VWDE: variants seen among roughly 807,000 people sequenced by gnomAD.
VWDE encodes von Willebrand factor D and EGF domain-containing protein.
A neutral mutation model predicts 178.4 loss-of-function variants in VWDE; 207 were observed. The ratio of observed to expected loss-of-function variants is 1.16; its 90% CI spans 1.04 to 1.30. VWDE has a LOEUF of 1.30. Among genes scored for constraint, VWDE ranks in the 50% most tolerant of loss-of-function variants. The probability of loss-of-function intolerance (pLI) is 0.00; values close to 1 mark genes in which losing one functional copy is unlikely to be tolerated. For synonymous variants in VWDE, 738 were observed against 651.4 expected, an observed-to-expected ratio of 1.13 and a Z score of -2.02; for missense variants, 2,287 against 1,901.3, an observed-to-expected ratio of 1.20 and a Z score of -3.77.
chr7:12,375,699 T>C (rs566095202), intron 7 of VWDE, among the ~76,000 whole-genome samples: 21 of 152,074 alleles, frequency 1.4e-4, no homozygotes, highest in Non-Finnish European at 2.6e-4. Context: ...TAATTATTGA[T>C]AAAGGGCTTA....
Position 12,357,393 on chromosome 7 carries a change from A to C in VWDE, c.3397T>G (p.Ser1133Ala). The C allele has an allele frequency of 6.4e-7, 1 of 1,551,940 alleles. No homozygotes were observed. Among genetic ancestry groups the C allele is most frequent in the Non-Finnish European group, 8.7e-7 (1 of 1,147,050 alleles). Residue 1133 changes from serine (S) to alanine (A), a missense_variant, in exon 17 of 29, where the codon TCT becomes GCT. Coordinates refer to ENST00000275358, the MANE Select transcript of VWDE (RefSeq NM_001135924.3). Reference sequence around the variant, plus strand: ...GAAACACTTGCCCCTTCAGGACCAGAGTCCAACGTAAAATGGATGTCAGAA... The same window carrying C: ...GAAACACTTGCCCCTTCAGGACCAGCGTCCAACGTAAAATGGATGTCAGAA... ...EGSDIHFTLD[S>A]GPEGASVSSA...
Position 12,379,502 on chromosome 7 carries a change from C to G in VWDE, c.854G>C (p.Ser285Thr), listed in dbSNP as rs1409545121. 1 of 1,550,032 alleles carries G rather than the reference C, an allele frequency of 6.5e-7. No individual in the cohort carries two copies. The change falls in exon 6 of 29, where the codon AGC (serine) becomes ACC (threonine). Residue 285 changes from serine (S) to threonine (T), a missense_variant. Coordinates refer to ENST00000275358, the MANE Select transcript of VWDE (RefSeq NM_001135924.3). ...NPHVQSVAIESQEFFAGFKLQ... is the reference protein window; with the variant it reads ...NPHVQSVAIETQEFFAGFKLQ... The stretch of plus-strand genomic sequence containing the variant: ...CTTAAAGCCTGCAAAAAATTCTTGG[C>G]TTTCGATGGCTACACTTTGTACATG...
intron 17 of VWDE, 111 bp downstream of exon 17, chr7:12,357,154 A>T: frequency 7.5e-7 from 1 of 1,331,692 alleles, no homozygotes; most frequent in Non-Finnish European, 1.0e-6. Context: ...TACAATGTTT[A>T]ATAACTTTGT....
rs185399677 is a variant in VWDE, at chr7:12,337,811, T to A, written c.4367-539A>T. On this transcript the variant is annotated intron_variant, in intron 24 of 28. Transcript: ENST00000275358. The stretch of plus-strand genomic sequence containing the variant: ...TCCTTGGTTTTGTTAAGAATATTTG[T>A]TAGATAATTTTGAATATATCTTACT... Among the ~76,000 whole-genome samples, 123 of 152,314 alleles carry A rather than the reference T, an allele frequency of 8.1e-4. 1 individual carries two copies. In the East Asian group the frequency reaches 0.017, roughly 21 times the overall value.
At chr7:12,335,040 A>G (rs1780938818) in intron 27 of VWDE, among the ~76,000 whole-genome samples, 1 of 152,224 alleles carries the variant, frequency 6.6e-6, no homozygotes, top group East Asian at 1.9e-4. Flanking sequence ...AAGAGTCACA[A>G]AAACTACATG....
intron 26 of VWDE, 62 bp downstream of exon 26, chr7:12,336,926 A>T (rs1781065334): frequency 7.0e-7 from 1 of 1,436,364 alleles, no homozygotes. Context: ...CTCTGTTTTA[A>T]ACTCTGCTTT....
At chr7:12,360,325 T>A (rs1398693897) in intron 15 of VWDE, among the ~76,000 whole-genome samples, 2 of 152,086 alleles carry the variant, frequency 1.3e-5, no homozygotes, top group East Asian at 3.8e-4. Context: ...CTTGGAAAAT[T>A]GCACAAAAGT....
At chr7:12,395,978 C>A (rs1784602875) in intron 1 of VWDE, among the ~76,000 whole-genome samples, 2 of 151,058 alleles carry the variant, frequency 1.3e-5, no homozygotes, top group Non-Finnish European at 1.5e-5. Context: ...TAACTTTTCC[C>A]CTCAAAAAAA....
chr7:12,390,152 G>A (rs1381470930), intron 2 of VWDE, among the ~76,000 whole-genome samples: 2 of 146,944 alleles, frequency 1.4e-5, no homozygotes, highest in Admixed American at 6.8e-5. Context: ...GCGACAGAGC[G>A]AGACTCCATC....
intron 2 of VWDE, among the ~76,000 whole-genome samples, chr7:12,392,003 T>C (rs568897222): frequency 6.6e-6 from 1 of 152,282 alleles, no homozygotes; most frequent in South Asian, 2.1e-4. Flanking sequence ...TTGGGAAGCA[T>C]GACACAGACA....
intron 12 of VWDE, among the ~76,000 whole-genome samples, chr7:12,368,624 T>C (rs574251029): frequency 6.6e-6 from 1 of 152,194 alleles, no homozygotes; most frequent in South Asian, 2.1e-4. Context: ...TTCTACGCCA[T>C]GGTAGGGATT....
At chr7:12,355,219 A>G (rs1782163171) in intron 18 of VWDE, among the ~76,000 whole-genome samples, 1 of 152,116 alleles carries the variant, frequency 6.6e-6, no homozygotes, top group Admixed American at 6.5e-5. Context: ...GATTGAGACC[A>G]TGCTGGCCAA....
rs1247724881 is a variant in VWDE, at chr7:12,370,333, A to T, written c.1973T>A (p.Leu658Ter). The part of the protein sequence containing the change: ...LGCKDLNHVS[L>*]SSLIPELDVT... ...ATCTAGTTCTGGTATCAAAGAAGAT[A>T]AGCTGACATGATTGAGGTCTTTGCA... is the stretch of plus-strand genomic sequence containing the variant. Residue 658 changes from leucine to a stop codon, truncating the protein, a stop_gained, in exon 12 of 29, where the codon TTA (leucine) becomes TAA (stop). Coordinates refer to ENST00000275358, the MANE Select transcript of VWDE (RefSeq NM_001135924.3). LOFTEE classifies it high-confidence loss of function. 1.3e-6 allele frequency: 2 copies of T among 1,551,346 alleles called. No homozygotes were observed. Among genetic ancestry groups the T allele is most frequent in the African/African-American group, 2.7e-5 (2 of 73,146 alleles).
chr7:12,340,587 T>C (rs750620575), intron 23 of VWDE, among the ~76,000 whole-genome samples, 170 bp from the exon 24 acceptor site: 1 of 152,216 alleles, frequency 6.6e-6, no homozygotes, highest in Non-Finnish European at 1.5e-5. Flanking sequence ...ATGAAATTAC[T>C]GGATAATCGC....
Position 12,356,188 on chromosome 7 carries a change from TG to T in VWDE, c.3667del (p.Gln1223AsnfsTer32). On this transcript the variant is annotated frameshift_variant, in exon 18 of 29. Coordinates refer to ENST00000275358, the MANE Select transcript of VWDE (RefSeq NM_001135924.3). LOFTEE classifies it high-confidence loss of function. ...GCTGCCAAGACCACAAGGGTTGGATTGGCACCCACTAATGTCCACTTCACAA... is the reference window on the plus strand; with the variant it reads ...GCTGCCAAGACCACAAGGGTTGGATTGCACCCACTAATGTCCACTTCACAA... ...SLCEVDISGC[Q>X]SNPCGLGSYI... 2 of 1,551,576 alleles carry T rather than the reference TG, an allele frequency of 1.3e-6. No homozygotes were observed. The highest frequency in any genetic ancestry group is 1.7e-6 in the Non-Finnish European group (2 of 1,146,952).
chr7:12,393,058 T>G (rs942680363), intron 2 of VWDE, among the ~76,000 whole-genome samples: 2 of 152,140 alleles, frequency 1.3e-5, no homozygotes, highest in Non-Finnish European at 2.9e-5. Flanking sequence ...ACCTGGAGAT[T>G]TCACTGCCAG....
chr7:12,388,506 A>C (rs963966780), intron 3 of VWDE, among the ~76,000 whole-genome samples: 8 of 152,200 alleles, frequency 5.3e-5, no homozygotes, highest in Non-Finnish European at 1.2e-4. Flanking sequence ...AATAATTTGT[A>C]ATTCTTTAAA....
At chr7:12,351,491 T>G (rs1781938475) in intron 19 of VWDE, 82 bp downstream of exon 19, 1 of 1,385,902 alleles carries the variant, frequency 7.2e-7, no homozygotes, top group Non-Finnish European at 9.6e-7. Context: ...TAAAAATACC[T>G]GAGGAATAAA....
At chr7:12,346,696 G>A (rs1781618697) in intron 19 of VWDE, among the ~76,000 whole-genome samples, 1 of 151,936 alleles carries the variant, frequency 6.6e-6, no homozygotes, top group African/African-American at 2.4e-5. Flanking sequence ...TCTTTGGTAT[G>A]GAAAAATCTA....
Sources: allele counts gnomAD v4.1 joint callset (sites outside exome capture counted in the v4.1 genomes callset), GRCh38; gene constraint gnomAD v4.1.1; transcripts MANE v1.5; gene names NCBI Gene and HGNC (gene_info 2026-07-23, HGNC 2026-07-21).